The following TMEM120B variants were observed in gnomAD, a reference collection of about 807,000 sequenced individuals.
TMEM120B encodes transmembrane protein 120B.
A neutral mutation model predicts 55.5 loss-of-function variants in TMEM120B; 31 were observed. That is an observed-to-expected ratio of 0.56 (90% CI 0.42 to 0.75). The LOEUF is 0.75. Among genes scored for constraint, TMEM120B ranks in the 30% least tolerant of loss-of-function variants. The probability of loss-of-function intolerance (pLI) is 0.00; values close to 1 mark genes in which losing one functional copy is unlikely to be tolerated. For synonymous variants in TMEM120B, 203 were observed against 176.3 expected, an observed-to-expected ratio of 1.15 and a Z score of -1.20; for missense variants, 399 against 425.5, an observed-to-expected ratio of 0.94 and a Z score of 0.55.
rs1241532063 is a variant in TMEM120B at position 121,743,664 on chromosome 12, G to C, written c.105G>C (p.Glu35Asp). The change falls in exon 2 of 12, where the codon GAG (glutamate) becomes GAC (aspartate). Residue 35 changes from glutamate to aspartate, a missense_variant. Glu to Asp is a conservative substitution (Grantham distance 45, BLOSUM62 2). Transcript: ENST00000449592. ...THRIYKQKLEELAALQTLCSS... is the reference protein window; with the variant it reads ...THRIYKQKLEDLAALQTLCSS... ...GGATCTACAAGCAGAAGCTGGAGGAGCTGGCTGCGCTGCAGACGCTGTGTA... is the reference window on the plus strand; with the variant it reads ...GGATCTACAAGCAGAAGCTGGAGGACCTGGCTGCGCTGCAGACGCTGTGTA... 6.2e-7 allele frequency: 1 copy of C among 1,613,692 alleles called. No individual in the cohort carries two copies. The highest frequency in any genetic ancestry group is 8.5e-7 in the Non-Finnish European group (1 of 1,179,988).
chr12:121,758,170 GA>G, intron 5 of TMEM120B: 2 of 985,458 alleles, frequency 2.0e-6, no homozygotes, highest in Non-Finnish European at 2.4e-6. Flanking sequence ...CAGTGGTGGG[GA>G]AGCCCTCAGA....
At chr12:121,755,219 C>T (rs558830329) in intron 5 of TMEM120B, among the ~76,000 whole-genome samples, 1 of 152,326 alleles carries the variant, frequency 6.6e-6, no homozygotes, top group South Asian at 2.1e-4. Flanking sequence ...TTCTTGGTAC[C>T]ACTAAGCCTG....
chr12:121,731,165 C>T (rs1377143640), intron 1 of TMEM120B, among the ~76,000 whole-genome samples: 3 of 152,168 alleles, frequency 2.0e-5, no homozygotes, highest in African/African-American at 7.2e-5. Context: ...ACATTGCATA[C>T]TGATGTGTCT....
intron 1 of TMEM120B, among the ~76,000 whole-genome samples, chr12:121,717,331 C>G (rs1462028548): frequency 6.6e-6 from 1 of 152,178 alleles, no homozygotes; most frequent in Non-Finnish European, 1.5e-5. Context: ...CCTTGAAGGC[C>G]ATGGTAAAGA....
intron 1 of TMEM120B, among the ~76,000 whole-genome samples, chr12:121,732,363 TGGGGGTGGACTA>T (rs1264630854): frequency 6.6e-6 from 1 of 152,048 alleles, no homozygotes; most frequent in African/African-American, 2.4e-5. Flanking sequence ...GAGCTAAGGC[TGGGGGTGGACTA>T]GGTGTGTGTG....
intron 1 of TMEM120B, among the ~76,000 whole-genome samples, chr12:121,736,626 T>C (rs371482752): frequency 7.4e-4 from 113 of 152,270 alleles, no homozygotes; most frequent in African/African-American, 2.6e-3. Context: ...CTCAGCACAC[T>C]GCAACCTCCG....
chr12:121,774,555 G>A (rs1874172360), intron 9 of TMEM120B, 103 bp from the exon 10 acceptor site: 3 of 1,134,026 alleles, frequency 2.6e-6, no homozygotes, highest in Middle Eastern at 2.7e-4. Flanking sequence ...ACTGTCCCTG[G>A]CTCATCTTAG....
intron 9 of TMEM120B, among the ~76,000 whole-genome samples, chr12:121,773,940 AACTCTGCTATC>A (rs1278130866): frequency 2.7e-5 from 4 of 150,026 alleles, no homozygotes; most frequent in African/African-American, 9.9e-5. Context: ...TTTTTAATAC[AACTCTGCTATC>A]TTTTTTTTTT....
intron 5 of TMEM120B, chr12:121,758,666 A>G (rs1873561980): frequency 1.0e-6 from 1 of 963,804 alleles, no homozygotes; most frequent in East Asian, 1.2e-4. Context: ...TGTGGTCACC[A>G]TGGAGGAGGA....
chr12:121,765,418 C>T (rs1383437127), intron 6 of TMEM120B, among the ~76,000 whole-genome samples: 5 of 152,170 alleles, frequency 3.3e-5, no homozygotes, highest in African/African-American at 9.7e-5. Flanking sequence ...GCATGAGCCA[C>T]TGTGCCCAGC....
At chr12:121,750,925 A>C (rs1268434536) in intron 4 of TMEM120B, among the ~76,000 whole-genome samples, 7 of 23,884 alleles carry the variant, frequency 2.9e-4, no homozygotes, top group Admixed American at 5.5e-4. Context: ...CCACACCCAC[A>C]CCTCACCCCA....
chr12:121,724,438 A>G (rs1352030921), intron 1 of TMEM120B, among the ~76,000 whole-genome samples: 1 of 151,976 alleles, frequency 6.6e-6, no homozygotes, highest in Admixed American at 6.6e-5. Context: ...TTGGCCTCCC[A>G]AAGTGCTGGG....
At chr12:121,773,003 C>A (rs926807146) in intron 8 of TMEM120B, among the ~76,000 whole-genome samples, 2 of 152,184 alleles carry the variant, frequency 1.3e-5, no homozygotes, top group Non-Finnish European at 2.9e-5. Flanking sequence ...GGCTATTTTT[C>A]ATGTCATTAC....
chr12:121,722,541 G>A (rs945334724), intron 1 of TMEM120B, among the ~76,000 whole-genome samples: 1 of 152,232 alleles, frequency 6.6e-6, no homozygotes, highest in African/African-American at 2.4e-5. Flanking sequence ...CACCCAGAGA[G>A]AGGTGAAGCA....
At position 121,761,752 on chromosome 12, in the gene TMEM120B, T is replaced by G. The variant is rs1218126961; in HGVS notation, c.551+14T>G. On this transcript the variant is annotated intron_variant, in intron 6 of 11. Coordinates refer to ENST00000449592, the MANE Select transcript of TMEM120B (RefSeq NM_001080825.2). ...CAACGGCTCAAGGTACCTGGGCACCTGGCTTTGTGGGGAGCACAAGAGGAG... is the reference window on the plus strand; with the variant it reads ...CAACGGCTCAAGGTACCTGGGCACCGGGCTTTGTGGGGAGCACAAGAGGAG... 1 of 1,607,994 alleles carries G rather than the reference T, an allele frequency of 6.2e-7. No homozygotes were observed.
At chr12:121,731,116 G>T (rs1221322351) in intron 1 of TMEM120B, among the ~76,000 whole-genome samples, 2 of 152,120 alleles carry the variant, frequency 1.3e-5, no homozygotes, top group South Asian at 4.1e-4. Flanking sequence ...TTTCTGTTTG[G>T]CATGGTGAAG....
intron 9 of TMEM120B, 106 bp from the exon 10 acceptor site, chr12:121,774,552 C>T (rs944940959): frequency 1.0e-4 from 113 of 1,113,584 alleles, no homozygotes; most frequent in Admixed American, 2.5e-4. Context: ...GTGACTGTCC[C>T]TGGCTCATCT....
chr12:121,774,618 A>C (rs570116093), intron 9 of TMEM120B, 40 bp from the exon 10 acceptor site: 1 of 1,594,818 alleles, frequency 6.3e-7, no homozygotes, highest in East Asian at 2.2e-5. Flanking sequence ...GGGGCAGCGG[A>C]CCCCCTCAGC....
At chr12:121,733,128 A>G (rs540976665) in intron 1 of TMEM120B, among the ~76,000 whole-genome samples, 36 of 152,304 alleles carry the variant, frequency 2.4e-4, no homozygotes, top group African/African-American at 8.2e-4. Flanking sequence ...ATTGTTGGTT[A>G]TAGTCAGACA....
Sources: gnomAD v4.1 joint callset for allele counts (sites outside exome capture counted in the v4.1 genomes callset) on GRCh38, gnomAD v4.1.1 for gene constraint, MANE v1.5 for transcripts, NCBI Gene and HGNC (gene_info 2026-07-23, HGNC 2026-07-21) for gene names.